The following RGS14 variants were observed in gnomAD, a reference collection of about 807,000 sequenced individuals.
RGS14 encodes the protein regulator of G protein signaling 14.
RGS14 carries 33 observed loss-of-function variants against 63.8 expected under a neutral mutation model. The ratio of observed to expected loss-of-function variants is 0.52; its 90% CI spans 0.39 to 0.69. The LOEUF is 0.69. RGS14 is among the 30% of genes least tolerant of loss of function. RGS14 has a pLI of 0.00. For missense variants in RGS14, 739 were observed against 742.9 expected (o/e 0.99, Z 0.06); for synonymous variants, 296 against 320.9 (o/e 0.92, Z 0.83).
chr5:177,371,092 CGGGG>C lies in RGS14; in HGVS notation c.1254+62_1254+65del. The C allele has an allele frequency of 1.0e-5, 9 of 874,712 alleles. No homozygotes were observed. The highest frequency in any genetic ancestry group is 1.2e-5 in the Non-Finnish European group (9 of 732,916). The allele number at this position is 874,712 out of a possible 1,614,324, so 54.2% of individuals were successfully genotyped here. ...GCCGGGCCGGGGCCGGGGCCGGGGCCGGGGCCGGGGCCGGGGCCGGGGCCGGGGC... is the reference window on the plus strand; with the variant it reads ...GCCGGGCCGGGGCCGGGGCCGGGGCCCCGGGGCCGGGGCCGGGGCCGGGGC... On this transcript the variant is annotated intron_variant, in intron 11 of 14. Coordinates refer to ENST00000408923, the MANE Select transcript of RGS14 (RefSeq NM_006480.5). The surrounding 1 kb of genome is among the most constrained non-coding windows in gnomAD (Gnocchi z 6.1).
chr5:177,366,729 A>G lies in RGS14; in HGVS notation c.268A>G (p.Ser90Gly). 1.2e-6 allele frequency: 2 copies of G among 1,614,092 alleles called. No individual in the cohort carries two copies. Among genetic ancestry groups the G allele is most frequent in the Non-Finnish European group, 1.7e-6 (2 of 1,180,020 alleles). The change falls in exon 4 of 15, where the codon AGC (serine) becomes GGC (glycine). Residue 90 changes from serine (S) to glycine (G), a missense_variant. Ser to Gly is a moderately conservative substitution (Grantham distance 56). Transcript: ENST00000408923. ...CCAGGAGTTCCTGAAGAAGGAGTTC[A>G]GCGCGGAAAACGTGACTTTCTGGAA... ...YFTEFLKKEF[S>G]AENVTFWKAC...
chr5:177,371,655 G>A lies in RGS14; in HGVS notation c.1498+66G>A. 6.7e-7 allele frequency: 1 copy of A among 1,491,596 alleles called. No homozygotes were observed. Among genetic ancestry groups the A allele is most frequent in the Non-Finnish European group, 9.3e-7 (1 of 1,071,694 alleles). 92.4% of individuals were successfully genotyped at this position (1,491,596 alleles called of 1,614,324 possible). On this transcript the variant is annotated intron_variant, in intron 14 of 14. Coordinates refer to ENST00000408923, the MANE Select transcript of RGS14 (RefSeq NM_006480.5). The surrounding 1 kb of genome is among the most constrained non-coding windows in gnomAD (Gnocchi z 6.1). ...GTGGGGTTGGGGACCATTCAGGGTG[G>A]CATCAGAGAGCCTTGAGCTAAGGCA...
intron 1 of RGS14, among the ~76,000 whole-genome samples, chr5:177,361,299 G>A (rs73336261): frequency 0.029 from 4,456 of 152,282 alleles, 100 homozygotes; most frequent in Middle Eastern, 0.078. Context: ...CTCAAGCTAG[G>A]ATGAAATCCT....
rs993314224 is a variant in RGS14 at position 177,358,155 on chromosome 5, G to T, written c.45+86G>T. 8.7e-7 allele frequency: 1 copy of T among 1,143,510 alleles called. No individual in the cohort carries two copies. Among genetic ancestry groups the T allele is most frequent in the East Asian group, 3.2e-5 (1 of 31,376 alleles). The allele number at this position is 1,143,510 out of a possible 1,614,324, so 70.8% of individuals were successfully genotyped here. On this transcript the variant is annotated intron_variant, in intron 1 of 14. Transcript: ENST00000408923. This position sits in a 1 kb window ranked among gnomAD's most constrained non-coding sequence, Gnocchi z 4.8. ...CAGGAGGCACACCCGGCAGGGCCAG[G>T]CAAGAGCCCACGGGCTGCCAGCAGG...
chr5:177,372,218 G>A lies in RGS14; in HGVS notation c.*143G>A. The A allele has an allele frequency of 2.6e-6, 2 of 783,816 alleles. No homozygotes were observed. The highest frequency in any genetic ancestry group is 3.4e-5 in the South Asian group (2 of 58,670). The allele number at this position is 783,816 out of a possible 1,614,324, so 48.6% of individuals were successfully genotyped here. A position where few individuals can be genotyped will look rare whatever the true frequency, so the allele number is the denominator to read the frequency against. ...AGGCCCGCAGGAAGAGCCGGTAGGG[G>A]TGGAAAGGGGACTCAGATGAGACAC... On this transcript the variant is annotated 3_prime_UTR_variant, in exon 15 of 15. Transcript: ENST00000408923.
At chr5:177,368,672 C>T (rs202173377) in intron 8 of RGS14, 45 bp from the exon 9 acceptor site, 2 of 1,590,552 alleles carry the variant, frequency 1.3e-6, no homozygotes, top group East Asian at 2.2e-5. Flanking sequence ...TGTGCATGCC[C>T]TTGCATGTGT....
intron 10 of RGS14, 101 bp from the exon 11 acceptor site, chr5:177,370,804 C>A (rs1762222064): frequency 6.5e-7 from 1 of 1,538,182 alleles, no homozygotes; most frequent in Non-Finnish European, 8.8e-7. Flanking sequence ...AAGCCAGTCC[C>A]ACCTTCTGCA....
Position 177,368,698 on chromosome 5 carries a change from C to A in RGS14, c.850-19C>A, listed in dbSNP as rs757908726. ...TTGCATGTGTACACATAATCTCCCC[C>A]ACTCCTGCCATGAATCAGAGCCACC... On this transcript the variant is annotated intron_variant, in intron 8 of 14. Coordinates refer to ENST00000408923, the MANE Select transcript of RGS14 (RefSeq NM_006480.5). 4.3e-6 allele frequency: 7 copies of A among 1,612,762 alleles called. No homozygotes were observed. The African/African-American group carries it at 8.0e-5, about 18-fold the overall frequency.
intron 1 of RGS14, among the ~76,000 whole-genome samples, chr5:177,361,707 ACAGT>A (rs925816535): frequency 1.3e-5 from 2 of 152,150 alleles, no homozygotes; most frequent in African/African-American, 4.8e-5. Context: ...TGCCTGCCAC[ACAGT>A]CAAAGCTCAG....
intron 10 of RGS14, 76 bp downstream of exon 10, chr5:177,370,740 C>G (rs1762220295): frequency 1.9e-6 from 3 of 1,555,006 alleles, no homozygotes; most frequent in Admixed American, 1.7e-5. Flanking sequence ...ACCTGGCTCC[C>G]CAGGCCCCGC....
At chr5:177,367,592 G>C in intron 6 of RGS14, 35 bp downstream of exon 6, 1 of 1,589,580 alleles carries the variant, frequency 6.3e-7, no homozygotes. Flanking sequence ...GGGCGAGGCA[G>C]GGGGTCCTGC....
Position 177,358,731 on chromosome 5 carries a change from A to G in RGS14, c.45+662A>G, listed in dbSNP as rs1420134210. On this transcript the variant is annotated intron_variant, in intron 1 of 14. Transcript: ENST00000408923. This position sits in a 1 kb window ranked among gnomAD's most constrained non-coding sequence, Gnocchi z 4.8. ...AGCCCCAGATCAGAGCTGCCCTCAG[A>G]GGATCTGGCTCTTCTCATTCATTCA... Among the ~76,000 whole-genome samples, 1 of 152,218 alleles carries G rather than the reference A, an allele frequency of 6.6e-6. No individual in the cohort carries two copies. The highest frequency in any genetic ancestry group is 2.4e-5 in the African/African-American group (1 of 41,452).
rs1762240757 is a variant in RGS14, at chr5:177,371,069, C to CCGGGCCGGGGCCGGGGCCGGGCCG, written c.1254+38_1254+39insCGGGCCGGGGCCGGGGCCGGGCCG. 2.7e-5 allele frequency: 15 copies of CCGGGCCGGGGCCGGGGCCGGGCCG among 552,526 alleles called. 1 individual carries two copies. In the Admixed American group the frequency reaches 3.7e-4, roughly 14 times the overall value. The allele number at this position is 552,526 out of a possible 1,614,324, so 34.2% of individuals were successfully genotyped here. A position where few individuals can be genotyped will look rare whatever the true frequency, so the allele number is the denominator to read the frequency against. On this transcript the variant is annotated intron_variant, in intron 11 of 14. Coordinates refer to ENST00000408923, the MANE Select transcript of RGS14 (RefSeq NM_006480.5). The surrounding 1 kb of genome is among the most constrained non-coding windows in gnomAD (Gnocchi z 6.1). Reference sequence around the variant, plus strand: ...GCCGCGGGGCGGGGCGGGGCGGGGCCGGGCCGGGGCCGGGGCCGGGGCCGG... The same window carrying CCGGGCCGGGGCCGGGGCCGGGCCG: ...GCCGCGGGGCGGGGCGGGGCGGGGCCCGGGCCGGGGCCGGGGCCGGGCCGGGGCCGGGGCCGGGGCCGGGGCCGG...
Position 177,358,177 on chromosome 5 carries a change from C to A in RGS14, c.45+108C>A. On this transcript the variant is annotated intron_variant, in intron 1 of 14. Transcript: ENST00000408923. The surrounding 1 kb of genome is among the most constrained non-coding windows in gnomAD (Gnocchi z 4.8). Reference sequence around the variant, plus strand: ...CAGGCAAGAGCCCACGGGCTGCCAGCAGGCGAGAGAAGTTGGGTACAGACA... The same window carrying A: ...CAGGCAAGAGCCCACGGGCTGCCAGAAGGCGAGAGAAGTTGGGTACAGACA... 1.0e-6 allele frequency: 1 copy of A among 958,900 alleles called. No homozygotes were observed. The highest frequency in any genetic ancestry group is 1.4e-6 in the Non-Finnish European group (1 of 725,004). 59.4% of individuals were successfully genotyped at this position (958,900 alleles called of 1,614,324 possible). A position where few individuals can be genotyped will look rare whatever the true frequency, so the allele number is the denominator to read the frequency against.
In RGS14 at chr5:177,371,442, C is replaced by A; in HGVS notation, c.1384-33C>A. The A allele has an allele frequency of 1.9e-6, 3 of 1,614,124 alleles. No individual in the cohort carries two copies. Among genetic ancestry groups the A allele is most frequent in the Non-Finnish European group, 1.7e-6 (2 of 1,179,978 alleles). Reference sequence around the variant, plus strand: ...CTCTTCCACCCTCTGCTTCTCCCCTCCCGATTTTGGCTCTGACCCCAAATT... The same window carrying A: ...CTCTTCCACCCTCTGCTTCTCCCCTACCGATTTTGGCTCTGACCCCAAATT... On this transcript the variant is annotated intron_variant, in intron 13 of 14. Transcript: ENST00000408923. This position sits in a 1 kb window ranked among gnomAD's most constrained non-coding sequence, Gnocchi z 6.1.
rs2127336224 is a variant in RGS14 at position 177,370,659 on chromosome 5, C to T, written c.1122C>T (p.Thr374=). 2 of 1,614,022 alleles carry T rather than the reference C, an allele frequency of 1.2e-6. No homozygotes were observed. The highest frequency in any genetic ancestry group is 4.5e-5 in the East Asian group (2 of 44,870). The part of the protein sequence containing the change: ...DQEVRLENRI[T]FELELTALER... ...AAGTGCGGCTGGAAAACAGGATCACCTTCGAGTGAGTGTCCTGCCCCCAAG... is the reference window on the plus strand; with the variant it reads ...AAGTGCGGCTGGAAAACAGGATCACTTTCGAGTGAGTGTCCTGCCCCCAAG... Residue 374 remains threonine (T), a synonymous_variant, in exon 10 of 15, where the codon ACC becomes ACT. Transcript: ENST00000408923.
rs981865931 is a variant in RGS14 at position 177,358,964 on chromosome 5, G to T, written c.45+895G>T. On this transcript the variant is annotated intron_variant, in intron 1 of 14. Transcript: ENST00000408923. The surrounding 1 kb of genome is among the most constrained non-coding windows in gnomAD (Gnocchi z 4.8). ...CTCTCTTACTGGAGGGAGGGTCCTC[G>T]CCAGCTCTCAGTTTCCTCATCCCTA... is the stretch of plus-strand genomic sequence containing the variant. Among the ~76,000 whole-genome samples, 1 of 152,152 alleles carries T rather than the reference G, an allele frequency of 6.6e-6. No individual in the cohort carries two copies. Among genetic ancestry groups the T allele is most frequent in the Non-Finnish European group, 1.5e-5 (1 of 68,014 alleles).
At chr5:177,370,524 TCAGAC>T in intron 9 of RGS14, 62 bp from the exon 10 acceptor site, 1 of 1,441,672 alleles carries the variant, frequency 6.9e-7, no homozygotes. Context: ...GAAGTTGTTC[TCAGAC>T]CCACAGGGAT....
At chr5:177,368,416 C>A in intron 8 of RGS14, 150 bp downstream of exon 8, 1 of 855,026 alleles carries the variant, frequency 1.2e-6, no homozygotes, top group Non-Finnish European at 1.8e-6. Context: ...CCTTACTTGT[C>A]TCACTACATT....
Sources: allele counts gnomAD v4.1 joint callset (sites outside exome capture counted in the v4.1 genomes callset), GRCh38; gene constraint gnomAD v4.1.1; non-coding constraint Gnocchi (gnomAD v3.1); transcripts MANE v1.5; gene names NCBI Gene and HGNC (gene_info 2026-07-23, HGNC 2026-07-21).